Variants in MROH1 observed in about 807,000 individuals in gnomAD.
MROH1 encodes maestro heat like repeat family member 1.
In MROH1, 117 loss-of-function variants were observed where a neutral mutation model predicts 116.5. That is an observed-to-expected ratio of 1.00 (90% CI 0.86 to 1.17). MROH1 has a LOEUF of 1.17. MROH1 is among the 50% of genes most tolerant of loss of function. MROH1 has a pLI of 0.00. For missense variants in MROH1, 1,873 were observed against 1,338.5 expected (o/e 1.40, Z -6.23); for synonymous variants, 921 against 583.9 (o/e 1.58, Z -8.32).
At chr8:144,176,952 A>G (rs566355469) in intron 4 of MROH1, among the ~76,000 whole-genome samples, 2 of 152,232 alleles carry the variant, frequency 1.3e-5, no homozygotes, top group South Asian at 2.1e-4. Flanking sequence ...AGTGAGACTG[A>G]TTCCCCACCT....
At chr8:144,224,077 T>C (rs973972573) in intron 14 of MROH1, among the ~76,000 whole-genome samples, 2 of 152,198 alleles carry the variant, frequency 1.3e-5, no homozygotes, top group African/African-American at 4.8e-5. Context: ...AGCGTCTCCA[T>C]GGCAGCTCCA....
In MROH1 at chr8:144,178,684, G is replaced by A. The variant is rs894976491; in HGVS notation, c.169-771G>A. The stretch of plus-strand genomic sequence containing the variant: ...TGGTGCAGGCTGCTCTCAGGGTGGT[G>A]GAGGGAGGGGCCATGGTGGGTGCAT... On this transcript the variant is annotated intron_variant, in intron 4 of 43. Coordinates refer to ENST00000326134, the MANE Select transcript of MROH1 (RefSeq NM_032450.3). Among the ~76,000 whole-genome samples the A allele has an allele frequency of 5.9e-5, 9 of 152,260 alleles. No individual in the cohort carries two copies. The South Asian group carries it at 1.0e-3, about 17-fold the overall frequency.
chr8:144,243,573 C>T lies in MROH1; in HGVS notation c.2432C>T (p.Ser811Phe), dbSNP rs1841381875. 2 of 780,052 alleles carry T rather than the reference C, an allele frequency of 2.6e-6. No individual in the cohort carries two copies. The highest frequency in any genetic ancestry group is 3.4e-5 in the Admixed American group (2 of 59,016). 48.3% of individuals were successfully genotyped at this position (780,052 alleles called of 1,614,324 possible). ...RAICSSTQAG[S>F]FHFTRKAELV... ...ATCTGCAGCAGCACCCAGGCTGGCT[C>T]CTTCCACTTCACCCGGAAAGCAGAG... The change falls in exon 25 of 44, where the codon TCC becomes TTC. Residue 811 changes from serine (S) to phenylalanine (F), a missense_variant. Transcript: ENST00000326134.
intron 12 of MROH1, chr8:144,200,796 T>A (rs935339324): frequency 1.1e-5 from 5 of 465,196 alleles, no homozygotes; most frequent in South Asian, 2.3e-5. Flanking sequence ...GTGGCCACAC[T>A]CCCCAGGTGA....
intron 14 of MROH1, among the ~76,000 whole-genome samples, chr8:144,228,084 C>T (rs1838146675): frequency 6.7e-6 from 1 of 149,874 alleles, no homozygotes; most frequent in Non-Finnish European, 1.5e-5. Context: ...AATTTAAAAA[C>T]ATTAGCTGGG....
chr8:144,174,872 G>A, intron 4 of MROH1: 2 of 985,320 alleles, frequency 2.0e-6, no homozygotes, highest in Non-Finnish European at 2.4e-6. Flanking sequence ...GACTTGCTGA[G>A]TCAGCCTGTC....
In MROH1 at chr8:144,168,919, G is replaced by T. The variant is rs1587837551; in HGVS notation, c.168+479G>T. Among the ~76,000 whole-genome samples, 3 of 152,346 alleles carry T rather than the reference G, an allele frequency of 2.0e-5. No homozygotes were observed. The South Asian group carries it at 6.2e-4, about 32-fold the overall frequency. ...CCAGGAGGGGCCAGGGCCTTGCCTT[G>T]CTGTGCTGGAATGTCCTGTCCTCCC... is the stretch of plus-strand genomic sequence containing the variant. On this transcript the variant is annotated intron_variant, in intron 4 of 43. Coordinates refer to ENST00000326134, the MANE Select transcript of MROH1 (RefSeq NM_032450.3).
chr8:144,242,962 C>G (rs1841276656), intron 24 of MROH1, among the ~76,000 whole-genome samples: 1 of 152,240 alleles, frequency 6.6e-6, no homozygotes, highest in African/African-American at 2.4e-5. Context: ...CTGTACCTCC[C>G]CGGACCCCAG....
At position 144,190,011 on chromosome 8, in the gene MROH1, C is replaced by T. The variant is rs561172845; in HGVS notation, c.563-773C>T. Among the ~76,000 whole-genome samples, 38 of 152,320 alleles carry T rather than the reference C, an allele frequency of 2.5e-4. No individual in the cohort carries two copies. The South Asian group carries it at 7.9e-3, about 32-fold the overall frequency. On this transcript the variant is annotated intron_variant, in intron 7 of 43. Coordinates refer to ENST00000326134, the MANE Select transcript of MROH1 (RefSeq NM_032450.3). ...TGGAAGTCCAAGCTCAAGATGTTGG[C>T]AGGATTGGTTCCTTCTTGGGAGCCC...
At chr8:144,176,781 A>G (rs1824066828) in intron 4 of MROH1, among the ~76,000 whole-genome samples, 1 of 150,568 alleles carries the variant, frequency 6.6e-6, no homozygotes, top group African/African-American at 2.4e-5. Context: ...GTGAGTTGAG[A>G]TTGTGCCACT....
At chr8:144,159,697 G>A (rs1819016687) in intron 1 of MROH1, among the ~76,000 whole-genome samples, 1 of 151,364 alleles carries the variant, frequency 6.6e-6, no homozygotes, top group South Asian at 2.1e-4. Flanking sequence ...TTATTTCTGG[G>A]TCAGTTTGTA....
At chr8:144,207,022 G>A (rs1022047198) in intron 12 of MROH1, among the ~76,000 whole-genome samples, 1 of 151,350 alleles carries the variant, frequency 6.6e-6, no homozygotes, top group East Asian at 2.0e-4. Flanking sequence ...GACAGAGCGA[G>A]ATTCTGTCTC....
intron 7 of MROH1, among the ~76,000 whole-genome samples, chr8:144,188,048 G>A (rs916701209): frequency 1.3e-5 from 2 of 152,228 alleles, no homozygotes; most frequent in African/African-American, 4.8e-5. Flanking sequence ...AGGGACCGGC[G>A]AGCCTCGCAG....
At position 144,171,216 on chromosome 8, in the gene MROH1, G is replaced by A. The variant is rs984241662; in HGVS notation, c.168+2776G>A. Among the ~76,000 whole-genome samples the A allele has an allele frequency of 5.3e-5, 8 of 152,314 alleles. No individual in the cohort carries two copies. The East Asian group carries it at 5.8e-4, about 11-fold the overall frequency. On this transcript the variant is annotated intron_variant, in intron 4 of 43. Coordinates refer to ENST00000326134, the MANE Select transcript of MROH1 (RefSeq NM_032450.3). ...CCAGGTGTGGCCTGTGCTTCTGACC[G>A]ACCTGCCATGAATCAGGGTTTTCAC...
chr8:144,216,214 C>T (rs1399041001), intron 12 of MROH1, among the ~76,000 whole-genome samples: 1 of 151,896 alleles, frequency 6.6e-6, no homozygotes, highest in Non-Finnish European at 1.5e-5. Context: ...GTGGCTCATG[C>T]CTGTAATCCC....
At chr8:144,199,040 C>T (rs1029415843) in intron 10 of MROH1, 82 bp from the exon 11 acceptor site, 4 of 1,366,244 alleles carry the variant, frequency 2.9e-6, no homozygotes, top group Non-Finnish European at 4.1e-6. Flanking sequence ...TGCCCAGCTG[C>T]CCAGGCCCAG....
At chr8:144,223,308 C>A in intron 14 of MROH1, 78 bp downstream of exon 14, 3 of 1,516,144 alleles carry the variant, frequency 2.0e-6, no homozygotes, top group East Asian at 2.5e-5. Context: ...TCAGGAGCCA[C>A]TGGCCCAGCA....
At chr8:144,260,472 A>G in intron 39 of MROH1, 98 bp downstream of exon 39, 2 of 696,596 alleles carry the variant, frequency 2.9e-6, no homozygotes, top group Non-Finnish European at 5.2e-6. Flanking sequence ...CCTGTCTCCC[A>G]CCTCGGCTAG....
At chr8:144,172,611 G>T (rs553807301) in intron 4 of MROH1, among the ~76,000 whole-genome samples, 1 of 151,922 alleles carries the variant, frequency 6.6e-6, no homozygotes, top group African/African-American at 2.4e-5. Flanking sequence ...GGGTTTCACC[G>T]TGTTGGTCAG....
Sources: allele counts gnomAD v4.1 joint callset (sites outside exome capture counted in the v4.1 genomes callset), GRCh38; gene constraint gnomAD v4.1.1; transcripts MANE v1.5; gene names NCBI Gene and HGNC (gene_info 2026-07-23, HGNC 2026-07-21).